The following LARGE1 variants were observed in gnomAD, a reference collection of about 807,000 sequenced individuals.
LARGE1 encodes xylosyl- and glucuronyltransferase LARGE1.
A neutral mutation model predicts 87.6 loss-of-function variants in LARGE1; 43 were observed. The observed-to-expected ratio is 0.49, with a 90% confidence interval of 0.38 to 0.63. The LOEUF (loss-of-function observed/expected upper bound fraction) is 0.63. LARGE1 is among the 30% of genes least tolerant of loss of function. The pLI is 0.00. For synonymous variants in LARGE1, 434 were observed against 394.6 expected, an observed-to-expected ratio of 1.10 and a Z score of -1.18; for missense variants, 802 against 1,000.2, an observed-to-expected ratio of 0.80 and a Z score of 2.67.
chr22:33,604,143 T>C (rs2079185049), intron 5 of LARGE1, among the ~76,000 whole-genome samples: 1 of 152,194 alleles, frequency 6.6e-6, no homozygotes, highest in Admixed American at 6.5e-5. Flanking sequence ...ACTCTCTAGA[T>C]GACAGCTACC....
At chr22:33,593,156 A>AT (rs199585385) in intron 5 of LARGE1, among the ~76,000 whole-genome samples, 6 of 144,224 alleles carry the variant, frequency 4.2e-5, no homozygotes, top group Non-Finnish European at 7.5e-5. Flanking sequence ...TGTTTTTAAA[A>AT]TTTTTTTAAG....
chr22:33,608,086 G>A (rs558460957), intron 4 of LARGE1, among the ~76,000 whole-genome samples: 7 of 152,260 alleles, frequency 4.6e-5, no homozygotes, highest in Admixed American at 1.3e-4. Flanking sequence ...GGAGACAGAC[G>A]GTCCATTTGG....
chr22:33,125,515 C>T, the LARGE1 span, among the ~76,000 whole-genome samples: 15 of 149,836 alleles, frequency 1.0e-4, no homozygotes, highest in African/African-American at 3.5e-4. Context: ...GGCATGATCT[C>T]GGCTCACTGC....
intron 9 of LARGE1, among the ~76,000 whole-genome samples, chr22:33,364,141 G>A (rs1296259487): frequency 4.6e-5 from 7 of 151,506 alleles, no homozygotes; most frequent in Admixed American, 2.0e-4. Flanking sequence ...TGCAAACTCC[G>A]CCCCCCGGGT....
intron 6 of LARGE1, among the ~76,000 whole-genome samples, chr22:33,441,229 A>G (rs1338983376): frequency 1.3e-5 from 2 of 151,718 alleles, no homozygotes; most frequent in Non-Finnish European, 2.9e-5. Flanking sequence ...GCTTGCCGCC[A>G]TGCCCAGCTA....
chr22:33,666,937 C>T (rs1010651823), intron 2 of LARGE1, among the ~76,000 whole-genome samples: 40 of 152,222 alleles, frequency 2.6e-4, no homozygotes, highest in Non-Finnish European at 1.5e-5. Context: ...CTTCAGTCTG[C>T]TTTGCATGTG....
chr22:33,815,142 A>G (rs1354951228), intron 1 of LARGE1, among the ~76,000 whole-genome samples: 1 of 152,222 alleles, frequency 6.6e-6, no homozygotes, highest in African/African-American at 2.4e-5. Context: ...CCCACAGCCC[A>G]GCCAAACTGG....
At chr22:33,814,543 C>T (rs1215338351) in intron 1 of LARGE1, among the ~76,000 whole-genome samples, 1 of 152,162 alleles carries the variant, frequency 6.6e-6, no homozygotes, top group African/African-American at 2.4e-5. Flanking sequence ...TGATGGGCCT[C>T]ATCTAATCAG....
intron 2 of LARGE1, among the ~76,000 whole-genome samples, chr22:33,699,124 A>G (rs1467339055): frequency 6.6e-6 from 1 of 152,248 alleles, no homozygotes; most frequent in Non-Finnish European, 1.5e-5. Flanking sequence ...AAAACCCATG[A>G]TGGTGAAAAC....
chr22:33,631,425 C>T lies in LARGE1; in HGVS notation c.409-5099G>A, dbSNP rs552974141. ...AAATACTTTATATTCTTATTCTATA[C>T]GCATTTTTCTGTTTTAAAAATTATT... On this transcript the variant is annotated intron_variant, in intron 3 of 14. Transcript: ENST00000397394. Among the ~76,000 whole-genome samples the T allele has an allele frequency of 1.4e-4, 21 of 152,266 alleles. No individual in the cohort carries two copies. In the South Asian group the frequency reaches 1.5e-3, roughly 11 times the overall value.
chr22:33,799,795 A>G (rs1203841290), intron 1 of LARGE1, among the ~76,000 whole-genome samples: 2 of 152,190 alleles, frequency 1.3e-5, no homozygotes, highest in East Asian at 1.9e-4. Context: ...GGTAATATGG[A>G]GGAAGAAGAC....
chr22:33,723,420 G>C (rs1219668391), intron 2 of LARGE1, among the ~76,000 whole-genome samples: 1 of 152,126 alleles, frequency 6.6e-6, no homozygotes, highest in African/African-American at 2.4e-5. Context: ...TCTAGAATCA[G>C]CTCATGTCTA....
chr22:33,313,926 G>A lies in LARGE1; in HGVS notation c.1451+2159C>T, dbSNP rs184466127. 1.7e-4 allele frequency among the ~76,000 whole-genome samples: 26 copies of A among 152,306 alleles called. No homozygotes were observed. The East Asian group carries it at 4.2e-3, about 25-fold the overall frequency. On this transcript the variant is annotated intron_variant, in intron 11 of 14. Coordinates refer to ENST00000397394, the MANE Select transcript of LARGE1 (RefSeq NM_133642.5). Reference sequence around the variant, plus strand: ...TAAGCTGCTCAATGTGTGGTACTTTGTCACCTAACAACAGAAAACGAATGG... The same window carrying A: ...TAAGCTGCTCAATGTGTGGTACTTTATCACCTAACAACAGAAAACGAATGG...
At chr22:33,142,277 A>G in the LARGE1 span, among the ~76,000 whole-genome samples, 2 of 152,170 alleles carry the variant, frequency 1.3e-5, no homozygotes, top group African/African-American at 4.8e-5. Context: ...AAGCCTGTGC[A>G]TGTGAACAAC....
chr22:33,334,345 A>G (rs1938137444), intron 10 of LARGE1, among the ~76,000 whole-genome samples: 1 of 141,050 alleles, frequency 7.1e-6, no homozygotes, highest in Non-Finnish European at 1.5e-5. Context: ...GGAGAGGCGG[A>G]GGTTACAGTG....
At chr22:33,544,879 G>C (rs1348051175) in intron 6 of LARGE1, among the ~76,000 whole-genome samples, 1 of 152,034 alleles carries the variant, frequency 6.6e-6, no homozygotes, top group Non-Finnish European at 1.5e-5. Flanking sequence ...TATCCCTTCA[G>C]CCAGGGATGA....
At chr22:33,640,843 CT>C (rs1360166545) in intron 3 of LARGE1, among the ~76,000 whole-genome samples, 4 of 152,190 alleles carry the variant, frequency 2.6e-5, no homozygotes, top group Non-Finnish European at 5.9e-5. Flanking sequence ...GGCAAAGCAC[CT>C]GGGGCCAGAC....
intron 6 of LARGE1, among the ~76,000 whole-genome samples, chr22:33,498,716 A>G (rs2070279338): frequency 6.6e-6 from 1 of 152,206 alleles, no homozygotes; most frequent in African/African-American, 2.4e-5. Flanking sequence ...TCACACCTGT[A>G]ATCCCAGCAC....
At chr22:33,701,293 C>T (rs988252116) in intron 2 of LARGE1, among the ~76,000 whole-genome samples, 15 of 151,998 alleles carry the variant, frequency 9.9e-5, no homozygotes, top group African/African-American at 2.7e-4. Context: ...GAATTGGAGG[C>T]CAAAAGTTTT....
Sources: gnomAD v4.1 joint callset for allele counts (sites outside exome capture counted in the v4.1 genomes callset) on GRCh38, gnomAD v4.1.1 for gene constraint, MANE v1.5 for transcripts, NCBI Gene and HGNC (gene_info 2026-07-23, HGNC 2026-07-21) for gene names.